The following PJVK variants were observed in gnomAD, a reference collection of about 807,000 sequenced individuals.
PJVK encodes autosomal recessive deafness type 59 protein.
PJVK carries 33 observed loss-of-function variants against 37.6 expected under a neutral mutation model. That is an observed-to-expected ratio of 0.88 (90% CI 0.67 to 1.17). The LOEUF (loss-of-function observed/expected upper bound fraction) is 1.17. PJVK is among the 50% of genes most tolerant of loss of function. The pLI, the probability that PJVK is intolerant of heterozygous loss-of-function variation, is 0.00. For missense variants in PJVK, 410 were observed against 413.8 expected (o/e 0.99, Z 0.08); for synonymous variants, 141 against 143.5 (o/e 0.98, Z 0.13).
At chr2:178,457,687 C>T (rs1412120327) in intron 4 of PJVK, among the ~76,000 whole-genome samples, 3 of 152,136 alleles carry the variant, frequency 2.0e-5, no homozygotes, top group African/African-American at 4.8e-5. Flanking sequence ...CCCGGGGCCA[C>T]GGGCTCAGCT....
Position 178,456,142 on chromosome 2 carries a change from A to G in PJVK, c.540A>G (p.Glu180=). 1.2e-6 allele frequency: 2 copies of G among 1,614,046 alleles called. No homozygotes were observed. Among genetic ancestry groups the G allele is most frequent in the Non-Finnish European group, 1.7e-6 (2 of 1,179,968 alleles). Residue 180 remains glutamate (E), a synonymous_variant, in exon 4 of 7, where the codon GAA becomes GAG. Transcript: ENST00000644580. ...SLSVHAGIRG[E]AMRFHFMDEQ... is the part of the protein sequence containing the mutation. The stretch of plus-strand genomic sequence containing the variant: ...CTGTGCATGCTGGAATTCGAGGGGA[A>G]GCAATGCGGGTAAACCACACTTGTT...
chr2:178,452,155 T>C (rs1697712876), intron 1 of PJVK: 2 of 371,312 alleles, frequency 5.4e-6, no homozygotes, highest in Non-Finnish European at 7.4e-6. Flanking sequence ...TAGCCGGGCG[T>C]GGTGGCATGC....
intron 3 of PJVK, chr2:178,455,188 G>A: frequency 1.3e-6 from 2 of 1,589,998 alleles, no homozygotes; most frequent in Non-Finnish European, 1.7e-6. Context: ...AGAAGATGGA[G>A]TGGTGGAGCC....
At position 178,454,669 on chromosome 2, in the gene PJVK, T is replaced by C. The variant is rs1683903879; in HGVS notation, c.407+142T>C. On this transcript the variant is annotated intron_variant, in intron 3 of 6. Transcript: ENST00000644580. Reference sequence around the variant, plus strand: ...AGATATGTTTGAAATACATTGGTAGTATATCCAAACTTTGAATAAGGATAG... The same window carrying C: ...AGATATGTTTGAAATACATTGGTAGCATATCCAAACTTTGAATAAGGATAG... 4.9e-6 allele frequency: 7 copies of C among 1,415,720 alleles called. No homozygotes were observed. In the South Asian group the frequency reaches 6.2e-5, roughly 13 times the overall value. 87.7% of individuals were successfully genotyped at this position (1,415,720 alleles called of 1,614,324 possible).
chr2:178,454,371 C>T lies in PJVK; in HGVS notation c.251C>T (p.Ser84Leu), dbSNP rs1402021181. ...CAATTACTGAATTATGAAGATGAAT[C>T]AGATGTTTCACTCTATGGAAGGCGA... ...SYQLLNYEDE[S>L]DVSLYGRRGN... Residue 84 changes from serine (S) to leucine (L), a missense_variant, in exon 3 of 7, where the codon TCA becomes TTA. By Grantham distance (145) the Ser-to-Leu change is moderately radical. Coordinates refer to ENST00000644580, the MANE Select transcript of PJVK (RefSeq NM_001042702.5). The T allele has an allele frequency of 6.2e-7, 1 of 1,613,416 alleles. No homozygotes were observed. The highest frequency in any genetic ancestry group is 1.3e-5 in the African/African-American group (1 of 74,980).
intron 3 of PJVK, 34 bp from the exon 4 acceptor site, chr2:178,455,976 A>T (rs745344098): frequency 1.2e-6 from 2 of 1,609,480 alleles, no homozygotes; most frequent in Non-Finnish European, 1.7e-6. Context: ...ATTAGATGTT[A>T]TAGAGTCTTG....
At chr2:178,456,297 T>C in intron 4 of PJVK, 146 bp downstream of exon 4, 1 of 999,452 alleles carries the variant, frequency 1.0e-6, no homozygotes, top group Non-Finnish European at 1.5e-6. Flanking sequence ...CACAGCAATG[T>C]CTGTTCTAGA....
chr2:178,453,661 A>G lies in PJVK; in HGVS notation c.211+41A>G. The G allele has an allele frequency of 2.6e-6, 4 of 1,531,386 alleles. No homozygotes were observed. The South Asian group carries it at 4.6e-5, about 18-fold the overall frequency. 94.9% of individuals were successfully genotyped at this position (1,531,386 alleles called of 1,614,324 possible). On this transcript the variant is annotated intron_variant, in intron 2 of 6. Transcript: ENST00000644580. Reference sequence around the variant, plus strand: ...TGGGAGTGCCAACTCATTCATCTGTATTATTGGCAACCTAAACATAGGTCA... The same window carrying G: ...TGGGAGTGCCAACTCATTCATCTGTGTTATTGGCAACCTAAACATAGGTCA...
rs187816687 is a variant in PJVK at position 178,453,472 on chromosome 2, T to C, written c.63T>C (p.Pro21=). ...KQVGDGGRLV[P]VPSLSEADKY... ...TTGGAGATGGAGGGAGATTAGTTCC[T>C]GTTCCAAGCCTCAGTGAAGCTGACA... The change falls in exon 2 of 7, where the codon CCT becomes CCC. Residue 21 remains proline, a synonymous_variant. Coordinates refer to ENST00000644580, the MANE Select transcript of PJVK (RefSeq NM_001042702.5). 6.2e-7 allele frequency: 1 copy of C among 1,614,198 alleles called. No individual in the cohort carries two copies. Among genetic ancestry groups the C allele is most frequent in the African/African-American group, 1.3e-5 (1 of 75,078 alleles).
chr2:178,452,007 T>G (rs893849820), intron 1 of PJVK: 4 of 454,030 alleles, frequency 8.8e-6, no homozygotes, highest in Non-Finnish European at 1.2e-5. Flanking sequence ...TAAAAGTGAT[T>G]TATGGGCGGG....
intron 2 of PJVK, 152 bp downstream of exon 2, chr2:178,453,772 T>C (rs1697867944): frequency 3.1e-6 from 2 of 643,980 alleles, no homozygotes; most frequent in Admixed American, 2.8e-5. Flanking sequence ...TTATTAAGAT[T>C]AACAATGCCA....
chr2:178,454,957 C>A, intron 3 of PJVK: 1 of 923,604 alleles, frequency 1.1e-6, no homozygotes, highest in Non-Finnish European at 1.8e-6. Flanking sequence ...TACCGCTGGA[C>A]CAAGACCCTG....
In PJVK at chr2:178,461,195, A is replaced by C. The variant is rs1383732218; in HGVS notation, c.980A>C (p.Gln327Pro). The change falls in exon 7 of 7, where the codon CAG becomes CCG. Residue 327 changes from glutamine (Q) to proline (P), a missense_variant. Transcript: ENST00000644580. ...AGGGAGACAGTTTATGGGTGCTTTCAGTGTTCTGTTGATGGTCAGAAGTAT... is the reference window on the plus strand; with the variant it reads ...AGGGAGACAGTTTATGGGTGCTTTCCGTGTTCTGTTGATGGTCAGAAGTAT... ...FKRETVYGCF[Q>P]CSVDGQKYVR... is the part of the protein sequence containing the mutation. The C allele has an allele frequency of 5.0e-6, 8 of 1,614,206 alleles. No individual in the cohort carries two copies. The highest frequency in any genetic ancestry group is 5.9e-6 in the Non-Finnish European group (7 of 1,180,032).
In PJVK at chr2:178,451,737, C is replaced by CT; in HGVS notation, c.-53dup. 1 of 984,156 alleles carries CT rather than the reference C, an allele frequency of 1.0e-6. No homozygotes were observed. The highest frequency in any genetic ancestry group is 1.2e-6 in the Non-Finnish European group (1 of 828,784). The allele number at this position is 984,156 out of a possible 1,614,324, so 61.0% of individuals were successfully genotyped here. A position where few individuals can be genotyped will look rare whatever the true frequency, so the allele number is the denominator to read the frequency against. On this transcript the variant is annotated 5_prime_UTR_variant, in exon 1 of 7. Coordinates refer to ENST00000644580, the MANE Select transcript of PJVK (RefSeq NM_001042702.5). Reference sequence around the variant, plus strand: ...TCTCCCGCCGGGCGGGCTCCTTTGTCTTCTGGGCTTTCGTCGCGAGATGGA... The same window carrying CT: ...TCTCCCGCCGGGCGGGCTCCTTTGTCTTTCTGGGCTTTCGTCGCGAGATGGA...
rs574791718 is a variant in PJVK, at chr2:178,453,959, A to T, written c.211+339A>T. 8.5e-5 allele frequency: 27 copies of T among 316,652 alleles called. No homozygotes were observed. The East Asian group carries it at 2.0e-3, about 24-fold the overall frequency. 19.6% of individuals were successfully genotyped at this position (316,652 alleles called of 1,614,324 possible). ...GTCAAATGAGATGAAAATAATTTGT[A>T]TTTATTTTTTACAATTCAATTATTA... On this transcript the variant is annotated intron_variant, in intron 2 of 6. Coordinates refer to ENST00000644580, the MANE Select transcript of PJVK (RefSeq NM_001042702.5).
intron 4 of PJVK, among the ~76,000 whole-genome samples, chr2:178,457,323 A>G (rs1355424378): frequency 6.6e-6 from 1 of 152,330 alleles, no homozygotes; most frequent in South Asian, 2.1e-4. Context: ...AATCCTTTAA[A>G]AAATATTAGC....
chr2:178,461,032 C>CT lies in PJVK; in HGVS notation c.823dup (p.Ser275PhefsTer2), dbSNP rs757539839. 16 of 1,613,794 alleles carry CT rather than the reference C, an allele frequency of 9.9e-6. No individual in the cohort carries two copies. Among genetic ancestry groups the CT allele is most frequent in the Non-Finnish European group, 1.4e-5 (16 of 1,179,980 alleles). ...TCGTTCACAGCTTTACTTGGATGAT[C>CT]TTTTTTCTGACTACTATGACAAACC... On this transcript the variant is annotated frameshift_variant, in exon 7 of 7. Coordinates refer to ENST00000644580, the MANE Select transcript of PJVK (RefSeq NM_001042702.5). LOFTEE classifies it high-confidence loss of function.
intron 1 of PJVK, chr2:178,453,040 C>A (rs575528487): frequency 6.4e-6 from 2 of 311,318 alleles, no homozygotes; most frequent in South Asian, 2.8e-5. Context: ...TCCCACAGCA[C>A]TATATGCTTC....
At chr2:178,453,756 A>C in intron 2 of PJVK, 136 bp downstream of exon 2, 2 of 724,240 alleles carry the variant, frequency 2.8e-6, no homozygotes, top group Non-Finnish European at 4.8e-6. Context: ...TGTTAGTGTA[A>C]TAACATTATT....
Sources: gnomAD v4.1 joint callset for allele counts (sites outside exome capture counted in the v4.1 genomes callset) on GRCh38, gnomAD v4.1.1 for gene constraint, MANE v1.5 for transcripts, NCBI Gene and HGNC (gene_info 2026-07-23, HGNC 2026-07-21) for gene names.